WDR49: variants seen among roughly 807,000 people sequenced by gnomAD.
The protein encoded by WDR49 is cilia- and flagella-associated protein 337.
WDR49 carries 107 observed loss-of-function variants against 119.5 expected under a neutral mutation model. The observed-to-expected ratio is 0.90, with a 90% confidence interval of 0.77 to 1.05. WDR49 has a LOEUF of 1.05. Ranked by LOEUF, WDR49 falls within the 50% of genes least tolerant of loss-of-function variation. WDR49 has a pLI of 0.00. For missense variants in WDR49, 1,240 were observed against 1,220.5 expected, an observed-to-expected ratio of 1.02 and a Z score of -0.24; for synonymous variants, 425 against 418.8, an observed-to-expected ratio of 1.01 and a Z score of -0.18.
chr3:167,647,340 G>A (rs545972831), intron 2 of WDR49, among the ~76,000 whole-genome samples: 2 of 152,268 alleles, frequency 1.3e-5, no homozygotes, highest in East Asian at 3.9e-4. Context: ...ATTTTTGTAA[G>A]TGCCTGTTGT....
intron 14 of WDR49, 46 bp downstream of exon 14, chr3:167,529,006 G>A (rs2108239910): frequency 1.4e-6 from 2 of 1,459,696 alleles, no homozygotes; most frequent in East Asian, 2.4e-5. Context: ...GCAACAAAGG[G>A]TCACCAAAAA....
chr3:167,489,954 T>G (rs918038971), intron 18 of WDR49, among the ~76,000 whole-genome samples: 2 of 152,070 alleles, frequency 1.3e-5, no homozygotes, highest in African/African-American at 4.8e-5. Flanking sequence ...AAATACAAAT[T>G]CCCATGCAAC....
chr3:167,614,301 G>A (rs779907077), intron 5 of WDR49, among the ~76,000 whole-genome samples: 7 of 152,038 alleles, frequency 4.6e-5, no homozygotes, highest in South Asian at 2.1e-4. Context: ...GTTTCACCAC[G>A]TTGGCCAGGC....
At chr3:167,488,768 A>T (rs1482205968) in intron 18 of WDR49, among the ~76,000 whole-genome samples, 1 of 151,788 alleles carries the variant, frequency 6.6e-6, no homozygotes, top group Non-Finnish European at 1.5e-5. Flanking sequence ...CTTAAACCAA[A>T]TTTTTTGCCC....
Position 167,505,016 on chromosome 3 carries a change from T to C in WDR49, c.2884+291A>G, listed in dbSNP as rs947608171. Among the ~76,000 whole-genome samples the C allele has an allele frequency of 2.0e-5, 3 of 152,240 alleles. No individual in the cohort carries two copies. In the South Asian group the frequency reaches 6.2e-4, roughly 31 times the overall value. On this transcript the variant is annotated intron_variant, in intron 17 of 18. Transcript: ENST00000682715. ...GAACTGTGAGCCAATTAAACCTTTT[T>C]CTTTTTAAATAAATTATACAGTTTC... is the stretch of plus-strand genomic sequence containing the variant.
rs765519984 is a variant in WDR49 at position 167,529,210 on chromosome 3, A to G, written c.2248T>C (p.Ser750Pro). 1.9e-6 allele frequency: 3 copies of G among 1,605,666 alleles called. No individual in the cohort carries two copies. Among genetic ancestry groups the G allele is most frequent in the Non-Finnish European group, 1.7e-6 (2 of 1,177,256 alleles). The change falls in exon 14 of 19, where the codon TCT becomes CCT. Residue 750 changes from serine to proline, a missense_variant. Transcript: ENST00000682715. ...ATATCCCAAAATCTGACATAACCAGATCCTCCACATGATACCAGGTTAGCT... is the reference window on the plus strand; with the variant it reads ...ATATCCCAAAATCTGACATAACCAGGTCCTCCACATGATACCAGGTTAGCT... ...GGANLVSCGGSGYVRFWDIYK... is the reference protein window; with the variant it reads ...GGANLVSCGGPGYVRFWDIYK...
At chr3:167,587,199 C>T (rs935824919) in intron 7 of WDR49, among the ~76,000 whole-genome samples, 1 of 152,020 alleles carries the variant, frequency 6.6e-6, no homozygotes, top group Non-Finnish European at 1.5e-5. Context: ...CAGTCAGAAT[C>T]TAATGAAAAA....
chr3:167,602,083 CG>C, intron 7 of WDR49, 43 bp downstream of exon 7: 2 of 1,535,926 alleles, frequency 1.3e-6, no homozygotes, highest in Non-Finnish European at 1.8e-6. Flanking sequence ...GGGTAGGAAT[CG>C]GGGAAGCAAA....
chr3:167,629,162 G>A (rs1452118848), intron 2 of WDR49, among the ~76,000 whole-genome samples: 1 of 152,066 alleles, frequency 6.6e-6, no homozygotes, highest in African/African-American at 2.4e-5. Flanking sequence ...TGAGGTAGGG[G>A]TGTCACTTAA....
intron 10 of WDR49, among the ~76,000 whole-genome samples, chr3:167,544,374 A>C (rs1712034709): frequency 1.3e-5 from 2 of 152,124 alleles, no homozygotes; most frequent in African/African-American, 2.4e-5. Flanking sequence ...GTAAGCAAAA[A>C]GAACAAATCT....
intron 3 of WDR49, among the ~76,000 whole-genome samples, chr3:167,624,878 A>C (rs1402699074): frequency 1.3e-5 from 2 of 152,106 alleles, no homozygotes; most frequent in Non-Finnish European, 2.9e-5. Context: ...ATCCAATGTC[A>C]GCAGCCACTG....
At chr3:167,554,044 A>G (rs62278309) in intron 10 of WDR49, among the ~76,000 whole-genome samples, 35,362 of 152,006 alleles carry the variant, frequency 0.23, 4,790 homozygotes, top group South Asian at 0.31. Flanking sequence ...AATGGACAAT[A>G]TATTTTCAAA....
chr3:167,567,285 C>T (rs1713660598), intron 8 of WDR49, among the ~76,000 whole-genome samples: 1 of 152,210 alleles, frequency 6.6e-6, no homozygotes, highest in South Asian at 2.1e-4. Context: ...TTTGAAAGCA[C>T]TCATCTTCAT....
At chr3:167,493,940 A>G (rs1301094714) in intron 18 of WDR49, among the ~76,000 whole-genome samples, 3 of 152,186 alleles carry the variant, frequency 2.0e-5, no homozygotes, top group Non-Finnish European at 4.4e-5. Context: ...CTCAACATAG[A>G]TATCCAAACT....
rs1419473660 is a variant in WDR49, at chr3:167,653,916, A to G, written c.-157T>C. 3 of 153,262 alleles carry G rather than the reference A, an allele frequency of 2.0e-5. No individual in the cohort carries two copies. Among genetic ancestry groups the G allele is most frequent in the Admixed American group, 1.3e-4 (2 of 15,474 alleles). 9.5% of individuals were successfully genotyped at this position (153,262 alleles called of 1,614,324 possible). ...GATGACAAAGCTGCAGAGTTTCCCTACCAATGAAGTACTTGACTCTGAATG... is the reference window on the plus strand; with the variant it reads ...GATGACAAAGCTGCAGAGTTTCCCTGCCAATGAAGTACTTGACTCTGAATG... On this transcript the variant is annotated 5_prime_UTR_variant, in exon 1 of 19. Transcript: ENST00000682715.
At chr3:167,539,824 GT>G (rs532309208) in intron 10 of WDR49, among the ~76,000 whole-genome samples, 100 of 152,142 alleles carry the variant, frequency 6.6e-4, no homozygotes, top group Non-Finnish European at 1.3e-3. Flanking sequence ...ATATTTACTT[GT>G]TTATGTTCTA....
intron 10 of WDR49, among the ~76,000 whole-genome samples, chr3:167,547,686 T>C (rs1484807540): frequency 6.6e-6 from 1 of 151,240 alleles, no homozygotes; most frequent in African/African-American, 2.4e-5. Flanking sequence ...TTAAAATATT[T>C]ATTTGCTTAC....
intron 18 of WDR49, 118 bp downstream of exon 18, chr3:167,500,035 T>G: frequency 1.7e-6 from 2 of 1,187,378 alleles, no homozygotes; most frequent in South Asian, 4.1e-5. Context: ...AACCACACTT[T>G]GTTTCACTGC....
intron 7 of WDR49, among the ~76,000 whole-genome samples, chr3:167,590,415 T>C (rs1169338690): frequency 6.6e-6 from 1 of 152,110 alleles, no homozygotes; most frequent in Admixed American, 6.6e-5. Flanking sequence ...AATGGTTTTG[T>C]AGAATGAGTT....
Sources: gnomAD v4.1 joint callset for allele counts (sites outside exome capture counted in the v4.1 genomes callset) on GRCh38, gnomAD v4.1.1 for gene constraint, MANE v1.5 for transcripts, NCBI Gene and HGNC (gene_info 2026-07-23, HGNC 2026-07-21) for gene names.